Variants in MGST1 observed in about 807,000 individuals in gnomAD.
The protein encoded by MGST1 is microsomal glutathione S-transferase 1, also known as glutathione S-transferase 12.
In MGST1, 5 loss-of-function variants were observed where a neutral mutation model predicts 8.9. The ratio of observed to expected loss-of-function variants is 0.56; its 90% CI spans 0.29 to 1.19. The LOEUF is 1.19. Ranked by LOEUF, MGST1 falls within the 50% of genes most tolerant of loss-of-function variation. MGST1 has a pLI of 0.08. For missense variants in MGST1, 182 were observed against 187.4 expected (o/e 0.97, Z 0.17); for synonymous variants, 54 against 67.8 (o/e 0.80, Z 1.00).
intron 1 of MGST1, chr12:16,402,545 T>A: frequency 1.3e-6 from 1 of 791,992 alleles, no homozygotes; most frequent in Non-Finnish European, 2.0e-6. Context: ...CTACTAACAC[T>A]TCTTATGCTA....
rs1041019165 is a variant in MGST1 at position 16,544,110 on chromosome 12, T to A, written n.483-45418T>A. ...TTCCTTTCTGGAACAGTTCACAGCA[T>A]CTTACTGTGCTGCACTGCGTTTTTC... On this transcript the variant is annotated intron_variant and non_coding_transcript_variant, in intron 4 of 4. Coordinates refer to the MGST1 transcript ENST00000538857. This position sits in a 1 kb window ranked among gnomAD's most constrained non-coding sequence, Gnocchi z 4.8. 2.0e-5 allele frequency among the ~76,000 whole-genome samples: 3 copies of A among 152,062 alleles called. No individual in the cohort carries two copies. The highest frequency in any genetic ancestry group is 7.2e-5 in the African/African-American group (3 of 41,426).
downstream of MGST1, among the ~76,000 whole-genome samples, chr12:16,366,343 G>A (rs565681280): frequency 3.9e-5 from 6 of 152,196 alleles, no homozygotes; most frequent in East Asian, 1.2e-3. This position sits in a 1 kb window ranked among gnomAD's most constrained non-coding sequence, Gnocchi z 4.0. Context: ...GGATTTATTA[G>A]TGAAACTGCT....
rs545389894 is a variant in MGST1, at chr12:16,570,089, A to G, written n.483-19439A>G. 1.6e-3 allele frequency among the ~76,000 whole-genome samples: 242 copies of G among 152,300 alleles called. 4 individuals are homozygous for G. Among genetic ancestry groups the G allele is most frequent in the South Asian group, 6.2e-3 (30 of 4,824 alleles). On this transcript the variant is annotated intron_variant and non_coding_transcript_variant, in intron 4 of 4. Transcript: ENST00000538857. ...AGCTGCTAGTTTCAGCCACAGTACAATTAATGCTAATTGGAATATGCTTTA... is the reference window on the plus strand; with the variant it reads ...AGCTGCTAGTTTCAGCCACAGTACAGTTAATGCTAATTGGAATATGCTTTA...
At chr12:16,399,214 C>T (rs1940631624) in intron 1 of MGST1, 1 of 1,410,158 alleles carries the variant, frequency 7.1e-7, no homozygotes, top group African/African-American at 1.4e-5. Flanking sequence ...GTTTCTATGT[C>T]ATGTAAAATT....
intron 4 of MGST1, among the ~76,000 whole-genome samples, chr12:16,478,264 A>G (rs1301022805): frequency 1.3e-5 from 2 of 152,120 alleles, no homozygotes; most frequent in Non-Finnish European, 2.9e-5. Context: ...TCTTGACCTC[A>G]TGATCCGCCT....
exon 2 of MGST1, chr12:16,438,601 T>A (rs1941010734): frequency 6.6e-6 from 1 of 151,894 alleles, no homozygotes; most frequent in African/African-American, 2.4e-5. Flanking sequence ...CTGTTGTAAT[T>A]CTTCCTTATA....
At chr12:16,426,903 C>T (rs1487594778) in intron 1 of MGST1, among the ~76,000 whole-genome samples, 5 of 142,648 alleles carry the variant, frequency 3.5e-5, no homozygotes, top group South Asian at 4.5e-4. Context: ...ACCAGGAGGC[C>T]GAGCTTGCAG....
At chr12:16,359,024 G>T (rs1005580249) in intron 3 of MGST1, among the ~76,000 whole-genome samples, 2 of 151,714 alleles carry the variant, frequency 1.3e-5, no homozygotes, top group Non-Finnish European at 2.9e-5. Context: ...TCTGCAATTG[G>T]TTATGCTGGA....
At chr12:16,357,508 A>G in intron 2 of MGST1, 97 bp from the exon 3 acceptor site, 3 of 881,628 alleles carry the variant, frequency 3.4e-6, no homozygotes, top group Admixed American at 2.6e-5. Flanking sequence ...GGCTCAAGCA[A>G]TCCTGCCTCA....
chr12:16,554,956 C>T (rs145541918), intron 4 of MGST1, among the ~76,000 whole-genome samples: 1 of 152,342 alleles, frequency 6.6e-6, no homozygotes, highest in East Asian at 1.9e-4. Context: ...GCCACCGCGC[C>T]CGGCCAGGTT....
At chr12:16,473,818 T>C (rs1591739491) in intron 4 of MGST1, among the ~76,000 whole-genome samples, 1 of 152,102 alleles carries the variant, frequency 6.6e-6, no homozygotes, top group Non-Finnish European at 1.5e-5. Context: ...GAGGTTGAAG[T>C]TGCAGTGAGC....
chr12:16,522,867 T>G (rs1429435360), intron 4 of MGST1, among the ~76,000 whole-genome samples: 1 of 152,020 alleles, frequency 6.6e-6, no homozygotes, highest in African/African-American at 2.4e-5. Context: ...CTGTTTCCCT[T>G]AAAGGTAATC....
intron 4 of MGST1, among the ~76,000 whole-genome samples, chr12:16,477,814 C>T (rs1941334022): frequency 6.6e-6 from 1 of 152,128 alleles, no homozygotes; most frequent in Non-Finnish European, 1.5e-5. Flanking sequence ...CATATTGTCT[C>T]AGAGGTGGAA....
intron 4 of MGST1, among the ~76,000 whole-genome samples, chr12:16,507,651 A>T (rs899979863): frequency 6.6e-6 from 1 of 152,164 alleles, no homozygotes; most frequent in Non-Finnish European, 1.5e-5. Flanking sequence ...GAATCTTACA[A>T]TCATGGCAGA....
downstream of MGST1, among the ~76,000 whole-genome samples, chr12:16,365,607 G>T (rs1940170789): frequency 6.6e-6 from 1 of 152,200 alleles, no homozygotes; most frequent in African/African-American, 2.4e-5. Flanking sequence ...ATGTTAAAAA[G>T]CAGCTTTGCA....
downstream of MGST1, among the ~76,000 whole-genome samples, chr12:16,380,737 G>A (rs1265652219): frequency 3.9e-5 from 6 of 152,312 alleles, no homozygotes; most frequent in African/African-American, 1.2e-4. Context: ...AATGTTGACA[G>A]TAGGGTGTTA....
At chr12:16,355,223 T>G (rs1218103336) in intron 2 of MGST1, among the ~76,000 whole-genome samples, 4 of 150,504 alleles carry the variant, frequency 2.7e-5, no homozygotes, top group Admixed American at 6.6e-5. Flanking sequence ...TTTTTTTTTT[T>G]TGTGAGATGG....
At chr12:16,489,564 TC>T (rs1176121134) in intron 4 of MGST1, among the ~76,000 whole-genome samples, 5 of 152,194 alleles carry the variant, frequency 3.3e-5, no homozygotes, top group African/African-American at 1.2e-4. Flanking sequence ...AAATTTTTTC[TC>T]CTTATTTCCA....
At chr12:16,399,744 CCTT>C in intron 1 of MGST1, 2 of 1,157,576 alleles carry the variant, frequency 1.7e-6, no homozygotes, top group East Asian at 2.3e-5. Flanking sequence ...GGACTGTACT[CCTT>C]CTGTGTACTT....
Sources: gnomAD v4.1 joint callset for allele counts (sites outside exome capture counted in the v4.1 genomes callset) on GRCh38, gnomAD v4.1.1 for gene constraint, Gnocchi (gnomAD v3.1) non-coding constraint, MANE v1.5 for transcripts, NCBI Gene and HGNC (gene_info 2026-07-23, HGNC 2026-07-21) for gene names.